TNR: variants seen among roughly 807,000 people sequenced by gnomAD.
TNR encodes tenascin R.
Under a neutral mutation model 150.4 loss-of-function variants are expected in TNR, and 45 were observed. That is an observed-to-expected ratio of 0.30 (90% CI 0.24 to 0.38). The LOEUF (loss-of-function observed/expected upper bound fraction) is 0.38. TNR is among the 10% of genes least tolerant of loss of function. The pLI is 1.00. For missense variants in TNR, 1,544 were observed against 1,759.1 expected, an observed-to-expected ratio of 0.88 and a Z score of 2.19; for synonymous variants, 687 against 678.4, an observed-to-expected ratio of 1.01 and a Z score of -0.20.
chr1:175,552,854 G>A (rs1044528691), intron 1 of TNR, among the ~76,000 whole-genome samples: 4 of 152,126 alleles, frequency 2.6e-5, no homozygotes, highest in African/African-American at 7.2e-5. Flanking sequence ...TTGGCTTCAG[G>A]AATTGAAACA....
At chr1:175,342,725 C>T (rs909679051) in intron 18 of TNR, among the ~76,000 whole-genome samples, 1 of 152,204 alleles carries the variant, frequency 6.6e-6, no homozygotes, top group African/African-American at 2.4e-5. Context: ...GATGTGTTCA[C>T]CCTCAACAGA....
chr1:175,559,254 A>G (rs1431040183), intron 1 of TNR, among the ~76,000 whole-genome samples: 1 of 152,204 alleles, frequency 6.6e-6, no homozygotes, highest in African/African-American at 2.4e-5. Flanking sequence ...CTGTGAATGT[A>G]CTAAATAGTA....
rs200014803 is a variant in TNR, at chr1:175,655,693, G to A, written c.-165+87533C>T. 3.3e-5 allele frequency among the ~76,000 whole-genome samples: 5 copies of A among 152,314 alleles called. No individual in the cohort carries two copies. In the East Asian group the frequency reaches 9.6e-4, roughly 29 times the overall value. On this transcript the variant is annotated intron_variant, in intron 1 of 22. Transcript: ENST00000367674. ...AGTGCAGCTTATCCCACCACCATTAGCAAAGAAACAGCCATGACCTTATAT... is the reference window on the plus strand; with the variant it reads ...AGTGCAGCTTATCCCACCACCATTAACAAAGAAACAGCCATGACCTTATAT...
At chr1:175,510,132 G>A (rs1286876936) in intron 2 of TNR, among the ~76,000 whole-genome samples, 1 of 152,142 alleles carries the variant, frequency 6.6e-6, no homozygotes, top group Non-Finnish European at 1.5e-5. Flanking sequence ...AGGAGGCTGA[G>A]GTGGGAGGAT....
intron 17 of TNR, 134 bp from the exon 18 acceptor site, chr1:175,354,657 C>T: frequency 5.1e-6 from 6 of 1,179,964 alleles, no homozygotes; most frequent in Non-Finnish European, 4.9e-6. Context: ...CTCTCCATCC[C>T]ACAATAAGGA....
chr1:175,350,066 G>A (rs1427385379), intron 18 of TNR, among the ~76,000 whole-genome samples: 7 of 152,190 alleles, frequency 4.6e-5, no homozygotes, highest in African/African-American at 1.7e-4. Flanking sequence ...GAATTTCCAT[G>A]ATCTGCCATC....
chr1:175,606,156 C>A (rs1169275319), intron 1 of TNR, among the ~76,000 whole-genome samples: 2 of 152,170 alleles, frequency 1.3e-5, no homozygotes, highest in Admixed American at 1.3e-4. Context: ...ACTATTCAGA[C>A]CTGTCATCTT....
chr1:175,452,854 A>G (rs1427241940), intron 2 of TNR, among the ~76,000 whole-genome samples: 1 of 152,232 alleles, frequency 6.6e-6, no homozygotes, highest in Non-Finnish European at 1.5e-5. Flanking sequence ...TATATATACC[A>G]TAGCATACTA....
Position 175,363,834 on chromosome 1 carries a change from G to A in TNR, c.2588-7C>T. 1 of 1,604,778 alleles carries A rather than the reference G, an allele frequency of 6.2e-7. No individual in the cohort carries two copies. The highest frequency in any genetic ancestry group is 1.1e-5 in the South Asian group (1 of 89,480). Reference sequence around the variant, plus strand: ...TCTTTTGGGGGATCAATTCCTACAAGGACCCAGTGATTGTGGGAAAAAGAC... The same window carrying A: ...TCTTTTGGGGGATCAATTCCTACAAAGACCCAGTGATTGTGGGAAAAAGAC... On this transcript the variant is annotated splice_region_variant and splice_polypyrimidine_tract_variant and intron_variant, in intron 12 of 22. Coordinates refer to ENST00000367674, the MANE Select transcript of TNR (RefSeq NM_003285.3).
chr1:175,425,924 T>C (rs932468242), intron 2 of TNR, among the ~76,000 whole-genome samples: 2 of 152,108 alleles, frequency 1.3e-5, no homozygotes, highest in South Asian at 2.1e-4. Flanking sequence ...CCTTGCATCA[T>C]TGGGATAAGG....
intron 2 of TNR, among the ~76,000 whole-genome samples, chr1:175,494,873 T>C (rs1183695551): frequency 6.6e-6 from 1 of 152,134 alleles, no homozygotes; most frequent in East Asian, 1.9e-4. Context: ...GTTCTTAGTG[T>C]CTAAAACAAT....
intron 2 of TNR, among the ~76,000 whole-genome samples, chr1:175,500,205 G>C (rs1032895440): frequency 6.6e-6 from 1 of 152,194 alleles, no homozygotes; most frequent in African/African-American, 2.4e-5. Context: ...TTTAAGGATA[G>C]TTTAGCTTCT....
At chr1:175,479,044 C>T (rs1351076442) in intron 2 of TNR, among the ~76,000 whole-genome samples, 1 of 152,180 alleles carries the variant, frequency 6.6e-6, no homozygotes, top group Non-Finnish European at 1.5e-5. Flanking sequence ...GTGCTTGACA[C>T]TATTACCTCC....
rs1651500276 is a variant in TNR, at chr1:175,359,660, G to C, written c.2926C>G (p.Pro976Ala). ...PTEALLQWKA[P>A]VGEVENYVIV... Reference sequence around the variant, plus strand: ...ACGTAGTTCTCCACCTCACCCACTGGTGCCTTCCACTGCAGCAGGGCTTCT... The same window carrying C: ...ACGTAGTTCTCCACCTCACCCACTGCTGCCTTCCACTGCAGCAGGGCTTCT... The change falls in exon 15 of 23, where the codon CCA becomes GCA. Residue 976 changes from proline to alanine, a missense_variant. Around this residue, in one of 2 missense-constraint regions of TNR, gnomAD observed 1,254 missense variants for 1,329.4 expected, o/e 0.94. Coordinates refer to ENST00000367674, the MANE Select transcript of TNR (RefSeq NM_003285.3). The C allele has an allele frequency of 1.7e-5, 27 of 1,613,892 alleles. No individual in the cohort carries two copies. Among genetic ancestry groups the C allele is most frequent in the Non-Finnish European group, 2.1e-5 (25 of 1,179,898 alleles).
intron 2 of TNR, among the ~76,000 whole-genome samples, chr1:175,494,406 G>A (rs1357924574): frequency 6.6e-6 from 1 of 152,252 alleles, no homozygotes; most frequent in Non-Finnish European, 1.5e-5. Flanking sequence ...CTCTGCAGCA[G>A]TAGAGTGGTC....
At chr1:175,508,221 A>G (rs779127066) in intron 2 of TNR, among the ~76,000 whole-genome samples, 9 of 152,210 alleles carry the variant, frequency 5.9e-5, no homozygotes, top group Non-Finnish European at 1.0e-4. Context: ...GCACATTCAT[A>G]TCTATGTAAC....
chr1:175,434,383 G>A (rs1655405122), intron 2 of TNR, among the ~76,000 whole-genome samples: 1 of 152,102 alleles, frequency 6.6e-6, no homozygotes, highest in African/African-American at 2.4e-5. Context: ...TCTGCTTCCT[G>A]TATGTCGCCC....
At chr1:175,713,056 T>G (rs921772974) in intron 1 of TNR, among the ~76,000 whole-genome samples, 7 of 152,122 alleles carry the variant, frequency 4.6e-5, no homozygotes, top group Admixed American at 1.3e-4. Flanking sequence ...ATAAGGAGCC[T>G]CGCAGGCCAG....
rs1430547313 is a variant in TNR, at chr1:175,320,087, A to ACATATCC, written c.*3263_*3269dup. 26 of 152,376 alleles carry ACATATCC rather than the reference A, an allele frequency of 1.7e-4. No homozygotes were observed. The highest frequency in any genetic ancestry group is 4.6e-4 in the Admixed American group (7 of 15,280). The allele number at this position is 152,376 out of a possible 1,614,324, so 9.4% of individuals were successfully genotyped here. On this transcript the variant is annotated 3_prime_UTR_variant, in exon 23 of 23. Transcript: ENST00000367674. ...GGTGGTTTTGGTTTTGGGTATTAGT[A>ACATATCC]CATATCCTGATGTGTCTGTAGTTAA...
Sources: gnomAD v4.1 joint callset for allele counts (sites outside exome capture counted in the v4.1 genomes callset) on GRCh38, gnomAD v4.1.1 for gene constraint, gnomAD v4.1.1 regional missense constraint, MANE v1.5 for transcripts, NCBI Gene and HGNC (gene_info 2026-07-23, HGNC 2026-07-21) for gene names.